Variants in TBC1D23 observed in about 807,000 individuals in gnomAD.
The protein encoded by TBC1D23 is TBC1 domain family member 23.
TBC1D23 carries 55 observed loss-of-function variants against 91.4 expected under a neutral mutation model. The observed-to-expected ratio is 0.60, with a 90% CI of 0.48 to 0.75. The LOEUF is 0.75. Among genes scored for constraint, TBC1D23 ranks in the 30% least tolerant of loss-of-function variants. The pLI is 0.00. For missense variants in TBC1D23, 725 were observed against 836.1 expected, an observed-to-expected ratio of 0.87 and a Z score of 1.64; for synonymous variants, 289 against 281.0, an observed-to-expected ratio of 1.03 and a Z score of -0.28.
chr3:100,300,728 A>G (rs1705410338), intron 10 of TBC1D23, among the ~76,000 whole-genome samples: 1 of 151,910 alleles, frequency 6.6e-6, no homozygotes, highest in Non-Finnish European at 1.5e-5. Context: ...TCAAACTCCC[A>G]GCTTCAAGTG....
chr3:100,286,245 T>C (rs2067740826), intron 4 of TBC1D23, among the ~76,000 whole-genome samples: 1 of 152,234 alleles, frequency 6.6e-6, no homozygotes, highest in African/African-American at 2.4e-5. Flanking sequence ...GGCCACCTCT[T>C]GCTCTAACAG....
intron 16 of TBC1D23, 60 bp downstream of exon 16, chr3:100,316,247 C>A: frequency 2.5e-6 from 3 of 1,186,578 alleles, no homozygotes; most frequent in South Asian, 2.5e-5. Flanking sequence ...TTACAGCAGT[C>A]ATTCTGGGAA....
chr3:100,312,839 GAATAATACT>G (rs1383423842), intron 15 of TBC1D23, among the ~76,000 whole-genome samples: 1 of 151,982 alleles, frequency 6.6e-6, no homozygotes, highest in Non-Finnish European at 1.5e-5. Flanking sequence ...GCATTTTTAA[GAATAATACT>G]TCACTCTCTA....
At chr3:100,301,967 C>T in intron 10 of TBC1D23, 100 bp from the exon 11 acceptor site, 1 of 764,916 alleles carries the variant, frequency 1.3e-6, no homozygotes, top group South Asian at 1.9e-5. Context: ...TTCATTGTGG[C>T]TCTTTAAATA....
chr3:100,308,833 A>G (rs1705565852), intron 13 of TBC1D23, among the ~76,000 whole-genome samples: 1 of 152,262 alleles, frequency 6.6e-6, no homozygotes, highest in Non-Finnish European at 1.5e-5. Context: ...AGAGGAATTA[A>G]TTGGCAGAAA....
intron 16 of TBC1D23, among the ~76,000 whole-genome samples, chr3:100,318,330 A>G (rs1304920863): frequency 1.3e-5 from 2 of 152,096 alleles, no homozygotes; most frequent in African/African-American, 4.8e-5. Flanking sequence ...TTACTTATTT[A>G]TCTCAGGATT....
At chr3:100,279,871 C>T in intron 2 of TBC1D23, 111 bp downstream of exon 2, 1 of 593,162 alleles carries the variant, frequency 1.7e-6, no homozygotes, top group South Asian at 2.4e-5. Flanking sequence ...TATGAGCATG[C>T]CGCATCTAGA....
At chr3:100,262,735 A>AAAAC (rs2067522970) in intron 1 of TBC1D23, among the ~76,000 whole-genome samples, 2 of 151,130 alleles carry the variant, frequency 1.3e-5, no homozygotes, top group African/African-American at 2.4e-5. Context: ...AAAAAAAAAA[A>AAAAC]AAAAAAAAAA....
chr3:100,291,582 C>CA (rs770935259), intron 5 of TBC1D23, among the ~76,000 whole-genome samples: 1,441 of 72,666 alleles, frequency 0.02, 9 homozygotes, highest in African/African-American at 0.05. Flanking sequence ...GACTCTGTCT[C>CA]AAAAAAAAAA....
intron 10 of TBC1D23, among the ~76,000 whole-genome samples, chr3:100,300,582 A>T (rs1216357214): frequency 6.6e-6 from 1 of 150,636 alleles, no homozygotes; most frequent in Non-Finnish European, 1.5e-5. Flanking sequence ...GCTCACTGCA[A>T]CCTCAGCCTC....
chr3:100,277,312 G>C (rs2067656345), intron 1 of TBC1D23, among the ~76,000 whole-genome samples: 1 of 152,088 alleles, frequency 6.6e-6, no homozygotes, highest in Admixed American at 6.6e-5. Context: ...TGGATGCCTT[G>C]TTCAGAAAAT....
chr3:100,283,616 C>T lies in TBC1D23; in HGVS notation c.281C>T (p.Ser94Leu). The change falls in exon 4 of 19, where the codon TCA (serine) becomes TTA (leucine). Residue 94 changes from serine (S) to leucine (L), a missense_variant. Ser to Leu is a moderately radical substitution (Grantham distance 145). Transcript: ENST00000394144. ...AACATTTATTTTCTAGACCAGCTTTCAGTGCCAGAGGAGAAGGCAGCAGAA... is the reference window on the plus strand; with the variant it reads ...AACATTTATTTTCTAGACCAGCTTTTAGTGCCAGAGGAGAAGGCAGCAGAA... Reference protein sequence around the residue: ...KDCLQFIDQLSVPEEKAAELL... With the variant: ...KDCLQFIDQLLVPEEKAAELL... 3 of 1,613,266 alleles carry T rather than the reference C, an allele frequency of 1.9e-6. No individual in the cohort carries two copies. The highest frequency in any genetic ancestry group is 1.7e-6 in the Non-Finnish European group (2 of 1,179,368).
chr3:100,283,160 G>A (rs566911947), intron 3 of TBC1D23, among the ~76,000 whole-genome samples: 122 of 152,316 alleles, frequency 8.0e-4, no homozygotes, highest in African/African-American at 2.8e-3. Context: ...ATCACCTGAG[G>A]TCAGGAGTTC....
chr3:100,270,954 G>C (rs2067594649), intron 1 of TBC1D23, among the ~76,000 whole-genome samples: 1 of 151,738 alleles, frequency 6.6e-6, no homozygotes, highest in South Asian at 2.1e-4. Flanking sequence ...GACCCTACTT[G>C]GTCCTTTAAA....
intron 18 of TBC1D23, among the ~76,000 whole-genome samples, chr3:100,321,435 A>G (rs998085777): frequency 6.6e-6 from 1 of 152,198 alleles, no homozygotes; most frequent in Non-Finnish European, 1.5e-5. Context: ...AGACTGGCCC[A>G]AGAGCTGTGG....
At chr3:100,297,712 CTTTCA>C (rs1705328036) in intron 8 of TBC1D23, among the ~76,000 whole-genome samples, 1 of 148,866 alleles carries the variant, frequency 6.7e-6, no homozygotes, top group Admixed American at 6.7e-5. Context: ...TTTTCTTAGT[CTTTCA>C]TTTTGTATGA....
intron 4 of TBC1D23, among the ~76,000 whole-genome samples, chr3:100,286,772 A>G (rs1246757219): frequency 6.6e-6 from 1 of 152,164 alleles, no homozygotes. Flanking sequence ...TTGGGATTAC[A>G]GGCGTGAGCC....
At position 100,296,202 on chromosome 3, in the gene TBC1D23, A is replaced by T. The variant is rs2067837946; in HGVS notation, c.803A>T (p.Asn268Ile). The T allele has an allele frequency of 1.9e-6, 3 of 1,598,880 alleles. No individual in the cohort carries two copies. The change falls in exon 8 of 19, where the codon AAT becomes ATT. Residue 268 changes from asparagine (N) to isoleucine (I), a missense_variant. Asn to Ile is a moderately radical substitution (Grantham distance 149). Transcript: ENST00000394144. Reference sequence around the variant, plus strand: ...TTGGAAAATACTCCATCCAGTCTGAATATAGAAGATATAGAAGACCTTTTC... The same window carrying T: ...TTGGAAAATACTCCATCCAGTCTGATTATAGAAGATATAGAAGACCTTTTC... ...KFLENTPSSL[N>I]IEDIEDLFSL...
chr3:100,309,187 CA>C lies in TBC1D23; in HGVS notation c.1414-1210del, dbSNP rs1705572246. On this transcript the variant is annotated intron_variant, in intron 13 of 18. Coordinates refer to ENST00000394144, the MANE Select transcript of TBC1D23 (RefSeq NM_001199198.3). The stretch of plus-strand genomic sequence containing the variant: ...GGACTCTGTCTCAAAACAACAACAA[CA>C]AAAAACACAAAAAAGAATTATACTC... Among the ~76,000 whole-genome samples, 5 of 140,546 alleles carry C rather than the reference CA, an allele frequency of 3.6e-5. 1 individual carries two copies. In the South Asian group the frequency reaches 1.2e-3, roughly 34 times the overall value. 92.2% of individuals were successfully genotyped at this position (140,546 alleles called of 152,430 possible).
Sources: allele counts gnomAD v4.1 joint callset (sites outside exome capture counted in the v4.1 genomes callset), GRCh38; gene constraint gnomAD v4.1.1; transcripts MANE v1.5; gene names NCBI Gene and HGNC (gene_info 2026-07-23, HGNC 2026-07-21).